Variants in ALG9 observed in about 807,000 individuals in gnomAD.
The protein encoded by ALG9 is ALG9 alpha-1,2-mannosyltransferase.
Under a neutral mutation model 81.8 loss-of-function variants are expected in ALG9, and 55 were observed. That is an observed-to-expected ratio of 0.67 (90% confidence interval 0.54 to 0.84). The LOEUF is 0.84. Ranked by LOEUF, ALG9 falls within the 40% of genes least tolerant of loss-of-function variation. The pLI, the probability that ALG9 is intolerant of heterozygous loss-of-function variation, is 0.00. For missense variants in ALG9, 629 were observed against 745.0 expected (o/e 0.84, Z 1.81); for synonymous variants, 278 against 274.3 (o/e 1.01, Z -0.13).
chr11:111,870,089 G>T, intron 2 of ALG9, 143 bp downstream of exon 2: 4 of 1,017,640 alleles, frequency 3.9e-6, no homozygotes, highest in Non-Finnish European at 5.3e-6. Context: ...TGGGATTATA[G>T]GCCTGTTTTT....
intron 8 of ALG9, among the ~76,000 whole-genome samples, chr11:111,847,537 C>A (rs1249376378): frequency 6.6e-6 from 1 of 152,202 alleles, no homozygotes; most frequent in Non-Finnish European, 1.5e-5. Flanking sequence ...ACTCTTCACT[C>A]ACCAGACAAA....
In ALG9 at chr11:111,867,752, G is replaced by T. The variant is rs569941325; in HGVS notation, c.405+850C>A. On this transcript the variant is annotated intron_variant, in intron 3 of 14. Transcript: ENST00000616540. ...TTAGGTATTGCATTATGAGATTCTGGATTATTCATGGGCTCAGCATGCTTT... is the reference window on the plus strand; with the variant it reads ...TTAGGTATTGCATTATGAGATTCTGTATTATTCATGGGCTCAGCATGCTTT... Among the ~76,000 whole-genome samples the T allele has an allele frequency of 9.9e-4, 151 of 152,330 alleles. 5 individuals carry two copies. The South Asian group carries it at 0.031, about 31-fold the overall frequency.
At chr11:111,820,745 TG>T (rs1952199619) in intron 13 of ALG9, among the ~76,000 whole-genome samples, 1 of 152,200 alleles carries the variant, frequency 6.6e-6, no homozygotes, top group African/African-American at 2.4e-5. Context: ...AGTTCTAAGA[TG>T]TTTTTTGACT....
chr11:111,861,202 A>G (rs782613916), intron 4 of ALG9, among the ~76,000 whole-genome samples: 1 of 152,192 alleles, frequency 6.6e-6, no homozygotes, highest in South Asian at 2.1e-4. Context: ...GCAATTACGT[A>G]TCTTCTTCTA....
At chr11:111,824,367 A>G (rs1230375679) in intron 13 of ALG9, among the ~76,000 whole-genome samples, 1 of 152,220 alleles carries the variant, frequency 6.6e-6, no homozygotes, top group Non-Finnish European at 1.5e-5. Flanking sequence ...ATATACAAAT[A>G]GTCACCATTT....
At position 111,870,382 on chromosome 11, in the gene ALG9, C is replaced by CCAAAAAAAAAAAAAAAAAAAAAAAAA; in HGVS notation, c.132-13_132-12insTTTTTTTTTTTTTTTTTTTTTTTTTG. ...TGTTCCCAGATAACCTGTTCAAAAG[C>CCAAAAAAAAAAAAAAAAAAAAAAAAA]AAAAAAAAAAAAAAAAAAAAAAGCA... is the stretch of plus-strand genomic sequence containing the variant. On this transcript the variant is annotated splice_polypyrimidine_tract_variant and intron_variant, in intron 1 of 14. Coordinates refer to ENST00000616540, the MANE Select transcript of ALG9 (RefSeq NM_024740.2). 1.0e-6 allele frequency: 1 copy of CCAAAAAAAAAAAAAAAAAAAAAAAAA among 969,600 alleles called. No homozygotes were observed. Among genetic ancestry groups the CCAAAAAAAAAAAAAAAAAAAAAAAAA allele is most frequent in the Non-Finnish European group, 1.2e-6 (1 of 800,854 alleles). 60.1% of individuals were successfully genotyped at this position (969,600 alleles called of 1,614,324 possible).
At chr11:111,821,335 G>C (rs541174348) in intron 13 of ALG9, among the ~76,000 whole-genome samples, 32 of 152,076 alleles carry the variant, frequency 2.1e-4, no homozygotes, top group Non-Finnish European at 3.7e-4. Flanking sequence ...CATCCTACTT[G>C]GCACTGTCCC....
chr11:111,817,907 T>C (rs566643961), intron 13 of ALG9, among the ~76,000 whole-genome samples: 13 of 151,776 alleles, frequency 8.6e-5, no homozygotes, highest in African/African-American at 3.1e-4. Flanking sequence ...GCCTCCTGAG[T>C]AGCTGGGATT....
chr11:111,834,643 GCT>G (rs1456899144), intron 13 of ALG9, among the ~76,000 whole-genome samples: 36 of 152,218 alleles, frequency 2.4e-4, no homozygotes, highest in African/African-American at 8.7e-4. Flanking sequence ...CAAAGTCCAC[GCT>G]CTTTTTTTTA....
chr11:111,839,891 G>A (rs1442191987), intron 10 of ALG9, among the ~76,000 whole-genome samples: 1 of 152,018 alleles, frequency 6.6e-6, no homozygotes, highest in Non-Finnish European at 1.5e-5. Context: ...GTTCAGAATA[G>A]GCAAATCTAT....
At chr11:111,773,007 G>A in the ALG9 span, among the ~76,000 whole-genome samples, 199 of 152,106 alleles carry the variant, frequency 1.3e-3, 2 homozygotes, top group African/African-American at 4.6e-3. Context: ...GGGAGGCCGA[G>A]GCAGGCGGAT....
chr11:111,841,409 TTTGCAATA>T (rs782760348), intron 9 of ALG9, among the ~76,000 whole-genome samples: 1 of 152,202 alleles, frequency 6.6e-6, no homozygotes, highest in Non-Finnish European at 1.5e-5. Flanking sequence ...TTCTCTCCAT[TTTGCAATA>T]CTCATCCACT....
intron 8 of ALG9, among the ~76,000 whole-genome samples, 179 bp from the exon 9 acceptor site, chr11:111,844,902 G>A (rs530010325): frequency 2.6e-4 from 40 of 152,284 alleles, no homozygotes; most frequent in South Asian, 8.3e-4. Context: ...GAGCGAGATG[G>A]AAGAGAATGG....
chr11:111,814,311 A>G (rs948357713), intron 13 of ALG9, among the ~76,000 whole-genome samples: 4 of 152,228 alleles, frequency 2.6e-5, no homozygotes, highest in African/African-American at 9.7e-5. Flanking sequence ...TTAGGGACAC[A>G]TGTAAAAGTC....
At position 111,809,770 on chromosome 11, in the gene ALG9, C is replaced by A; in HGVS notation, c.1606G>T (p.Asp536Tyr). 2 of 1,613,908 alleles carry A rather than the reference C, an allele frequency of 1.2e-6. No homozygotes were observed. Among genetic ancestry groups the A allele is most frequent in the Non-Finnish European group, 1.7e-6 (2 of 1,179,874 alleles). ...QNLEEPSRYI[D>Y]ISKCHYLVDL... ...ACTAAATAATGGCATTTACTGATAT[C>A]AATCTGAAATGGAGAAAGGCCAACT... Residue 536 changes from aspartate to tyrosine, a missense_variant, in exon 14 of 15, where the codon GAT becomes TAT. Around this residue, in one of 3 missense-constraint regions of ALG9, gnomAD observed 264 missense variants for 302.2 expected, o/e 0.87. Coordinates refer to ENST00000616540, the MANE Select transcript of ALG9 (RefSeq NM_024740.2).
chr11:111,863,661 A>C (rs1475735952), intron 4 of ALG9, among the ~76,000 whole-genome samples: 1 of 152,230 alleles, frequency 6.6e-6, no homozygotes, highest in East Asian at 1.9e-4. Flanking sequence ...TATCATGTAA[A>C]AAAGGTGGCT....
chr11:111,837,445 C>G, intron 12 of ALG9, 23 bp downstream of exon 12: 6 of 1,613,472 alleles, frequency 3.7e-6, no homozygotes, highest in Non-Finnish European at 4.2e-6. Flanking sequence ...ATTTAAAACC[C>G]TAGGAATTAA....
At chr11:111,775,876 C>T in the ALG9 span, among the ~76,000 whole-genome samples, 4 of 152,116 alleles carry the variant, frequency 2.6e-5, no homozygotes, top group Admixed American at 6.5e-5. Flanking sequence ...GTTAAAAGAG[C>T]GGCTCAGGCG....
chr11:111,863,853 C>T (rs1352636525), intron 4 of ALG9, among the ~76,000 whole-genome samples: 1 of 151,996 alleles, frequency 6.6e-6, no homozygotes. Context: ...TATCTTAGGA[C>T]CGAAAATAGG....
Sources: allele counts gnomAD v4.1 joint callset (sites outside exome capture counted in the v4.1 genomes callset), GRCh38; gene constraint gnomAD v4.1.1; regional missense constraint gnomAD v4.1.1; transcripts MANE v1.5; gene names NCBI Gene and HGNC (gene_info 2026-07-23, HGNC 2026-07-21).